Variants in SLC44A5 observed in about 807,000 individuals in gnomAD.
SLC44A5 encodes the protein choline transporter-like protein 5.
Under a neutral mutation model 101.8 loss-of-function variants are expected in SLC44A5, and 57 were observed. The ratio of observed to expected loss-of-function variants is 0.56; its 90% CI spans 0.45 to 0.70. The LOEUF is 0.70. Among genes scored for constraint, SLC44A5 ranks in the 30% least tolerant of loss-of-function variants. The pLI is 0.00. For missense variants in SLC44A5, 737 were observed against 853.1 expected (o/e 0.86, Z 1.70); for synonymous variants, 281 against 290.9 (o/e 0.97, Z 0.35).
chr1:75,505,605 C>T (rs1216468039), intron 2 of SLC44A5, among the ~76,000 whole-genome samples: 3 of 152,040 alleles, frequency 2.0e-5, no homozygotes, highest in Non-Finnish European at 2.9e-5. Context: ...TGATGATTAA[C>T]GGTATGGAGC....
chr1:75,317,886 C>T (rs1413198093), intron 4 of SLC44A5, among the ~76,000 whole-genome samples: 1 of 152,130 alleles, frequency 6.6e-6, no homozygotes, highest in Non-Finnish European at 1.5e-5. Context: ...AAGGCCCCAC[C>T]TCCAAATACG....
intron 1 of SLC44A5, among the ~76,000 whole-genome samples, chr1:75,587,187 T>A (rs1674057576): frequency 6.6e-6 from 1 of 151,546 alleles, no homozygotes; most frequent in Non-Finnish European, 1.5e-5. Flanking sequence ...ATGTCAAAGG[T>A]GTCTAGGTTG....
intron 21 of SLC44A5, 35 bp downstream of exon 21, chr1:75,213,884 C>CTTTTTTTTTTTT: frequency 7.0e-7 from 1 of 1,427,050 alleles, no homozygotes; most frequent in Non-Finnish European, 9.6e-7. Flanking sequence ...ATCTTTTAAA[C>CTTTTTTTTTTTT]TTTTTTTTTT....
At position 75,204,288 on chromosome 1, in the gene SLC44A5, TCA is replaced by T. The variant is rs1334294217; in HGVS notation, c.2048-457_2048-456del. On this transcript the variant is annotated intron_variant, in intron 23 of 23. Transcript: ENST00000370859. The stretch of plus-strand genomic sequence containing the variant: ...TTTTGAGGAACATTGCCCTGGTTTT[TCA>T]CAGTTTTTAGTTTAATTGCTTTGTA... Among the ~76,000 whole-genome samples the T allele has an allele frequency of 3.9e-5, 6 of 152,324 alleles. No individual in the cohort carries two copies. The East Asian group carries it at 5.8e-4, about 15-fold the overall frequency.
intron 1 of SLC44A5, among the ~76,000 whole-genome samples, chr1:75,577,170 T>C (rs1673418275): frequency 6.6e-6 from 1 of 152,208 alleles, no homozygotes. Context: ...CCAAGTACCA[T>C]AATCCTTGCT....
the SLC44A5 span, among the ~76,000 whole-genome samples, chr1:75,722,320 T>G: frequency 6.6e-6 from 1 of 152,178 alleles, no homozygotes. Context: ...AAACAGTAAC[T>G]TCTCTTAAAA....
the SLC44A5 span, among the ~76,000 whole-genome samples, chr1:75,696,264 G>A: frequency 2.0e-5 from 3 of 152,102 alleles, no homozygotes; most frequent in Non-Finnish European, 4.4e-5. Flanking sequence ...AAGGTGACAT[G>A]TGTCACTTCT....
chr1:75,702,472 C>G, the SLC44A5 span, among the ~76,000 whole-genome samples: 8 of 152,098 alleles, frequency 5.3e-5, no homozygotes, highest in Non-Finnish European at 8.8e-5. Context: ...AAAGCTGAAA[C>G]TGGATCCCTT....
intron 3 of SLC44A5, among the ~76,000 whole-genome samples, chr1:75,342,170 A>G (rs1001851169): frequency 6.6e-6 from 1 of 152,190 alleles, no homozygotes; most frequent in Non-Finnish European, 1.5e-5. Context: ...AGTTTTAGGA[A>G]GAGACACAGA....
At chr1:75,260,259 G>A (rs1650376851) in intron 6 of SLC44A5, among the ~76,000 whole-genome samples, 1 of 152,058 alleles carries the variant, frequency 6.6e-6, no homozygotes, top group South Asian at 2.1e-4. Context: ...AACACCCATT[G>A]GTGTGCTATA....
intron 2 of SLC44A5, among the ~76,000 whole-genome samples, chr1:75,419,598 G>T (rs571575144): frequency 6.6e-6 from 1 of 152,078 alleles, no homozygotes; most frequent in East Asian, 1.9e-4. Context: ...GATCTATATG[G>T]TAATGTTAAA....
chr1:75,396,500 A>T (rs1570132028), intron 3 of SLC44A5, 83 bp downstream of exon 3: 1 of 1,140,840 alleles, frequency 8.8e-7, no homozygotes, highest in African/African-American at 1.5e-5. Context: ...CGCTATTCCT[A>T]GATTTTAAAA....
chr1:75,426,513 C>T (rs76824308), intron 2 of SLC44A5, among the ~76,000 whole-genome samples: 4,289 of 152,184 alleles, frequency 0.028, 83 homozygotes, highest in Non-Finnish European at 0.044. Flanking sequence ...TATGGTTTCC[C>T]GACTAATCAC....
At chr1:75,220,742 T>C (rs1473391048) in intron 14 of SLC44A5, among the ~76,000 whole-genome samples, 5 of 152,166 alleles carry the variant, frequency 3.3e-5, no homozygotes, top group South Asian at 2.1e-4. Context: ...CTGTTTCATA[T>C]GGCCATTGAG....
chr1:75,421,158 A>G (rs1249783), intron 2 of SLC44A5, among the ~76,000 whole-genome samples: 38,762 of 151,934 alleles, frequency 0.26, 5,248 homozygotes, highest in African/African-American at 0.34. Context: ...AAATAGCTTG[A>G]AAAATGGGAA....
chr1:75,477,357 T>C (rs1245853375), intron 2 of SLC44A5, among the ~76,000 whole-genome samples: 1 of 152,112 alleles, frequency 6.6e-6, no homozygotes, highest in Non-Finnish European at 1.5e-5. Context: ...CCTCTCCTCC[T>C]CCAAAGGAAC....
chr1:75,409,673 A>G (rs940626002), intron 2 of SLC44A5, among the ~76,000 whole-genome samples: 5 of 152,104 alleles, frequency 3.3e-5, no homozygotes, highest in African/African-American at 4.8e-5. Flanking sequence ...TATTTTTAAA[A>G]TTATTGATAT....
At chr1:75,521,218 T>C (rs1670102422) in intron 2 of SLC44A5, among the ~76,000 whole-genome samples, 1 of 152,220 alleles carries the variant, frequency 6.6e-6, no homozygotes, top group African/African-American at 2.4e-5. Flanking sequence ...GTCAACCACA[T>C]GATCATACTT....
chr1:75,428,312 G>A (rs2101586824), intron 2 of SLC44A5, among the ~76,000 whole-genome samples: 1 of 152,232 alleles, frequency 6.6e-6, no homozygotes, highest in Middle Eastern at 3.4e-3. Flanking sequence ...TACCTAGAGT[G>A]GGATAATACC....
Sources: gnomAD v4.1 joint callset for allele counts (sites outside exome capture counted in the v4.1 genomes callset) on GRCh38, gnomAD v4.1.1 for gene constraint, MANE v1.5 for transcripts, NCBI Gene and HGNC (gene_info 2026-07-23, HGNC 2026-07-21) for gene names.